The following ECHDC2 variants were observed in gnomAD, a reference collection of about 807,000 sequenced individuals.
The protein encoded by ECHDC2 is enoyl-CoA hydratase domain containing 2.
Under a neutral mutation model 40.6 loss-of-function variants are expected in ECHDC2, and 34 were observed. The observed-to-expected ratio is 0.84, with a 90% confidence interval of 0.64 to 1.11. The LOEUF is 1.11. Among genes scored for constraint, ECHDC2 ranks in the 50% most tolerant of loss-of-function variants. ECHDC2 has a pLI of 0.00. For synonymous variants in ECHDC2, 162 were observed against 166.6 expected, an observed-to-expected ratio of 0.97 and a Z score of 0.21; for missense variants, 392 against 400.7, an observed-to-expected ratio of 0.98 and a Z score of 0.19.
chr1:52,906,941 A>AT (rs532560153), intron 4 of ECHDC2: 10,661 of 107,166 alleles, frequency 0.099, 777 homozygotes, highest in East Asian at 0.33. Context: ...ATTTTTTTGT[A>AT]TTTTTTTTTT....
At chr1:52,903,978 C>A (rs913719818) in intron 7 of ECHDC2, among the ~76,000 whole-genome samples, 1 of 152,018 alleles carries the variant, frequency 6.6e-6, no homozygotes, top group African/African-American at 2.4e-5. Context: ...CCTCCACACC[C>A]AGCTAATTTT....
chr1:52,897,579 T>C (rs993580226), intron 8 of ECHDC2, 95 bp from the exon 9 acceptor site: 57 of 1,156,588 alleles, frequency 4.9e-5, no homozygotes, highest in Non-Finnish European at 6.3e-5. Context: ...GACATCTATA[T>C]GAGCAGAGAT....
intron 3 of ECHDC2, among the ~76,000 whole-genome samples, chr1:52,910,351 C>CATTTTTTTTT (rs1649085006): frequency 2.7e-5 from 1 of 36,790 alleles, no homozygotes; most frequent in Non-Finnish European, 4.9e-5. Context: ...ACCACAATTT[C>CATTTTTTTTT]GTTTTTTTTT....
chr1:52,903,821 C>CTTTT (rs565248267), intron 7 of ECHDC2, among the ~76,000 whole-genome samples: 5 of 144,704 alleles, frequency 3.5e-5, no homozygotes, highest in African/African-American at 5.2e-5. Context: ...TTCTTTCTTT[C>CTTTT]TTTTTTTTTT....
At chr1:52,906,975 G>T (rs1365890627) in intron 4 of ECHDC2, 108 of 153,328 alleles carry the variant, frequency 7.0e-4, no homozygotes, top group Non-Finnish European at 1.2e-3. Context: ...AGAGACGGGG[G>T]TTTCACCATG....
At chr1:52,903,434 T>G (rs993418837) in intron 7 of ECHDC2, among the ~76,000 whole-genome samples, 3 of 151,884 alleles carry the variant, frequency 2.0e-5, no homozygotes, top group African/African-American at 7.2e-5. Flanking sequence ...TTGGTTGTTT[T>G]TTTTGGCTTT....
chr1:52,905,484 C>T (rs1647544696), intron 5 of ECHDC2: 1 of 203,052 alleles, frequency 4.9e-6, no homozygotes, highest in Non-Finnish European at 1.0e-5. Flanking sequence ...AATAGGTTCT[C>T]TGGCTTAGCC....
chr1:52,897,577 T>G, intron 8 of ECHDC2, 93 bp from the exon 9 acceptor site: 1 of 1,202,812 alleles, frequency 8.3e-7, no homozygotes, highest in Non-Finnish European at 1.2e-6. Context: ...CAGACATCTA[T>G]ATGAGCAGAG....
chr1:52,916,509 A>C (rs1324039174), intron 1 of ECHDC2, among the ~76,000 whole-genome samples: 1 of 152,208 alleles, frequency 6.6e-6, no homozygotes, highest in African/African-American at 2.4e-5. Flanking sequence ...AATAATAAAA[A>C]GGTTATTGTT....
chr1:52,918,911 A>G (rs1651313033), intron 1 of ECHDC2, among the ~76,000 whole-genome samples: 1 of 152,146 alleles, frequency 6.6e-6, no homozygotes, highest in South Asian at 2.1e-4. Flanking sequence ...GGGCCACACA[A>G]CAGGAGATGA....
intron 5 of ECHDC2, chr1:52,905,420 T>C (rs1256807981): frequency 1.9e-5 from 7 of 373,656 alleles, no homozygotes; most frequent in Middle Eastern, 7.3e-4. Flanking sequence ...GTACGACGCT[T>C]GGAACAAGGA....
At position 52,905,278 on chromosome 1, in the gene ECHDC2, C is replaced by G. The variant is rs901734438; in HGVS notation, c.458-188G>C. 5.3e-5 allele frequency: 32 copies of G among 607,420 alleles called. No homozygotes were observed. The African/African-American group carries it at 5.6e-4, about 11-fold the overall frequency. The allele number at this position is 607,420 out of a possible 1,614,324, so 37.6% of individuals were successfully genotyped here. ...AGCCCAGAAGTCAGGAGCCCAGGCCCTTATTTCACCATGCCCCTTTGATGG... is the reference window on the plus strand; with the variant it reads ...AGCCCAGAAGTCAGGAGCCCAGGCCGTTATTTCACCATGCCCCTTTGATGG... On this transcript the variant is annotated intron_variant, in intron 5 of 9. Transcript: ENST00000371522.
At chr1:52,898,951 C>A (rs1042490858) in intron 8 of ECHDC2, 6 of 612,352 alleles carry the variant, frequency 9.8e-6, no homozygotes, top group Non-Finnish European at 1.8e-5. Context: ...CAATCTCATC[C>A]TCTCTCCAAG....
chr1:52,896,629 G>A (rs1271140530), intron 9 of ECHDC2, 32 bp from the exon 10 acceptor site: 2 of 1,582,198 alleles, frequency 1.3e-6, no homozygotes, highest in African/African-American at 2.7e-5. Flanking sequence ...TAGTTTTGGG[G>A]GAGCAGGGCC....
rs201248879 is a variant in ECHDC2, at chr1:52,905,095, T to C, written c.458-5A>G. The C allele has an allele frequency of 3.7e-5, 60 of 1,613,982 alleles. No individual in the cohort carries two copies. The East Asian group carries it at 1.2e-3, about 34-fold the overall frequency. On this transcript the variant is annotated splice_region_variant and splice_polypyrimidine_tract_variant and intron_variant, in intron 5 of 9. Coordinates refer to ENST00000371522, the MANE Select transcript of ECHDC2 (RefSeq NM_001198961.2). ...GTCCCATGACTGCCGAGGAAGCTGC[T>C]CAGATAGAACAAAGTGAGGCCTCCC...
chr1:52,907,099 CT>C (rs934079030), intron 4 of ECHDC2: 161 of 127,946 alleles, frequency 1.3e-3, no homozygotes, highest in Non-Finnish European at 1.3e-3. Context: ...TTCCTTTTTT[CT>C]TTTTTTTTTT....
intron 1 of ECHDC2, among the ~76,000 whole-genome samples, chr1:52,918,358 T>TAAA (rs536606545): frequency 0.044 from 5,515 of 124,440 alleles, 406 homozygotes; most frequent in African/African-American, 0.15. Context: ...TCCTACTTAT[T>TAAA]AAAAAAAAAA....
chr1:52,904,660 CCTG>C lies in ECHDC2; in HGVS notation c.685_687del (p.Gln229del), dbSNP rs770316270. 1 of 1,601,942 alleles carries C rather than the reference CCTG, an allele frequency of 6.2e-7. No individual in the cohort carries two copies. The highest frequency in any genetic ancestry group is 8.5e-7 in the Non-Finnish European group (1 of 1,174,582). Reference sequence around the variant, plus strand: ...TGTCACCACACCTGGGGCAGGATCTCCTGGGCCAGTGCTCGTGCCCGCTGGTAG... The same window carrying C: ...TGTCACCACACCTGGGGCAGGATCTCGGCCAGTGCTCGTGCCCGCTGGTAG... On this transcript the variant is annotated inframe_deletion, in exon 7 of 10. Transcript: ENST00000371522.
intron 3 of ECHDC2, among the ~76,000 whole-genome samples, chr1:52,910,304 A>G (rs1649060757): frequency 6.8e-6 from 1 of 147,026 alleles, no homozygotes; most frequent in Admixed American, 6.9e-5. Flanking sequence ...ACACTTAAAA[A>G]TGGTTAAAAC....
Sources: gnomAD v4.1 joint callset for allele counts (sites outside exome capture counted in the v4.1 genomes callset) on GRCh38, gnomAD v4.1.1 for gene constraint, MANE v1.5 for transcripts, NCBI Gene and HGNC (gene_info 2026-07-23, HGNC 2026-07-21) for gene names.